OARD1: variants seen among roughly 807,000 people sequenced by gnomAD.
OARD1 encodes the protein ADP-ribose glycohydrolase OARD1.
In OARD1, 19 loss-of-function variants were observed where a neutral mutation model predicts 19.7. That is an observed-to-expected ratio of 0.96 (90% CI 0.67 to 1.41). The LOEUF is 1.41. Ranked by LOEUF, OARD1 falls within the 40% of genes most tolerant of loss-of-function variation. The pLI is 0.00. For missense variants in OARD1, 190 were observed against 183.8 expected, an observed-to-expected ratio of 1.03 and a Z score of -0.20; for synonymous variants, 70 against 61.8, an observed-to-expected ratio of 1.13 and a Z score of -0.62.
upstream of OARD1, chr6:41,072,742 A>C (rs1763538700): frequency 6.5e-6 from 1 of 152,812 alleles, no homozygotes; most frequent in Non-Finnish European, 1.5e-5. Flanking sequence ...AGCTCAAGGC[A>C]GCGTTTTGAG....
Position 41,070,062 on chromosome 6 carries a change from T to C in OARD1, c.243+14A>G. On this transcript the variant is annotated intron_variant, in intron 4 of 5. Coordinates refer to ENST00000424266, the MANE Select transcript of OARD1 (RefSeq NM_001329686.2). ...AACTGGCCCTGAAAAAAAAAGGAAT[T>C]GGCCCCATCTTACCAAGTAATATAT... is the stretch of plus-strand genomic sequence containing the variant. The C allele has an allele frequency of 6.6e-7, 1 of 1,519,864 alleles. No individual in the cohort carries two copies. Among genetic ancestry groups the C allele is most frequent in the African/African-American group, 1.4e-5 (1 of 73,290 alleles). 94.1% of individuals were successfully genotyped at this position (1,519,864 alleles called of 1,614,324 possible).
intron 1 of OARD1, chr6:41,089,696 G>T (rs1381841061): frequency 1.2e-6 from 2 of 1,612,420 alleles, no homozygotes; most frequent in Non-Finnish European, 1.7e-6. Flanking sequence ...GGCTGTCACT[G>T]CTGGCCAGAC....
chr6:41,089,491 C>T, intron 1 of OARD1: 1 of 1,371,202 alleles, frequency 7.3e-7, no homozygotes, highest in Non-Finnish European at 9.6e-7. Flanking sequence ...ACATTTTCTG[C>T]TTTCTAGAGA....
intron 1 of OARD1, chr6:41,090,131 T>C (rs1311756000): frequency 2.9e-6 from 3 of 1,038,502 alleles, no homozygotes; most frequent in Non-Finnish European, 2.9e-6. Flanking sequence ...TAATTTTTTT[T>C]TTTAAGGACT....
chr6:41,075,076 T>A (rs1263074182), upstream of OARD1, among the ~76,000 whole-genome samples: 2 of 152,242 alleles, frequency 1.3e-5, no homozygotes, highest in Non-Finnish European at 2.9e-5. Context: ...AGTTTTTCAT[T>A]GTTGCTTAAG....
chr6:41,091,832 A>T (rs1479920573), intron 1 of OARD1: 9 of 933,122 alleles, frequency 9.6e-6, no homozygotes, highest in Non-Finnish European at 1.4e-5. Flanking sequence ...CTTTGACAAT[A>T]ACATTATGAC....
At position 41,065,538 on chromosome 6, in the gene OARD1, T is replaced by C. The variant is rs971586430; in HGVS notation, c.*1797A>G. 6 of 152,218 alleles carry C rather than the reference T, an allele frequency of 3.9e-5. No individual in the cohort carries two copies. The highest frequency in any genetic ancestry group is 1.4e-4 in the African/African-American group (6 of 41,446). 9.4% of individuals were successfully genotyped at this position (152,218 alleles called of 1,614,324 possible). A position where few individuals can be genotyped will look rare whatever the true frequency, so the allele number is the denominator to read the frequency against. ...GTATTTAGATAATCTCTCCTTCCTT[T>C]TTCCCTTCAACTTTATGTGGACAAA... On this transcript the variant is annotated 3_prime_UTR_variant, in exon 6 of 6. Transcript: ENST00000424266.
At chr6:41,096,223 A>T (rs1185975229) in intron 1 of OARD1, among the ~76,000 whole-genome samples, 1 of 152,126 alleles carries the variant, frequency 6.6e-6, no homozygotes, top group Admixed American at 6.5e-5. Context: ...TCAACAATCA[A>T]ACTAGGTTTC....
chr6:41,070,774 C>G, intron 3 of OARD1: 1 of 466,144 alleles, frequency 2.1e-6, no homozygotes, highest in South Asian at 2.7e-5. Context: ...TGGGAGGGGT[C>G]TGTAAGGAAG....
chr6:41,074,408 G>A (rs903009275), upstream of OARD1, among the ~76,000 whole-genome samples: 7 of 152,218 alleles, frequency 4.6e-5, no homozygotes, highest in Middle Eastern at 3.2e-3. Context: ...AGGTGAACAG[G>A]TAGTTAATAC....
At chr6:41,067,494 C>T (rs1763078300) in intron 5 of OARD1, 57 bp from the exon 6 acceptor site, 1 of 1,202,682 alleles carries the variant, frequency 8.3e-7, no homozygotes. Flanking sequence ...GAAACTGCTC[C>T]TCTCTTTTAA....
intron 1 of OARD1, 49 bp from the exon 2 acceptor site, chr6:41,071,724 T>C: frequency 9.3e-7 from 1 of 1,074,484 alleles, no homozygotes; most frequent in Non-Finnish European, 1.4e-6. Context: ...CCTTAGTATA[T>C]AATATTCTGA....
intron 1 of OARD1, chr6:41,089,482 C>G: frequency 7.5e-7 from 1 of 1,341,756 alleles, no homozygotes. Context: ...CTCTTCAGAA[C>G]ATTTTCTGCT....
rs1304555841 is a variant in OARD1 at position 41,079,778 on chromosome 6, GA to G, written c.-41-8104del. Among the ~76,000 whole-genome samples, 3 of 151,992 alleles carry G rather than the reference GA, an allele frequency of 2.0e-5. No individual in the cohort carries two copies. The East Asian group carries it at 5.8e-4, about 29-fold the overall frequency. On this transcript the variant is annotated intron_variant, in intron 1 of 4. Transcript: ENST00000480585. ...TTTCACTTTTTTCCCCACCCCAGAA[GA>G]AAAAAATGTATTATGTTTCTATTTG...
At chr6:41,094,397 A>C in intron 1 of OARD1, 4 of 1,613,990 alleles carry the variant, frequency 2.5e-6, no homozygotes, top group Non-Finnish European at 3.4e-6. Flanking sequence ...TCGTTTTAGA[A>C]ATACCTGCAT....
At chr6:41,089,768 T>A (rs1764151938) in intron 1 of OARD1, 1 of 1,581,082 alleles carries the variant, frequency 6.3e-7, no homozygotes, top group Non-Finnish European at 8.6e-7. Flanking sequence ...GTCAGATAAC[T>A]GAGTCAGATA....
chr6:41,078,427 T>C (rs1763800516), intron 1 of OARD1, among the ~76,000 whole-genome samples: 1 of 152,212 alleles, frequency 6.6e-6, no homozygotes, highest in Non-Finnish European at 1.5e-5. Flanking sequence ...TACATTTTTG[T>C]TTATATATCT....
At chr6:41,071,380 C>A (rs762285915) in intron 2 of OARD1, 104 bp from the exon 3 acceptor site, 101 of 1,189,714 alleles carry the variant, frequency 8.5e-5, no homozygotes, top group Non-Finnish European at 1.1e-4. Context: ...TCCCGGCACC[C>A]CTTCCTCCAA....
At chr6:41,089,779 T>C in intron 1 of OARD1, 4 of 1,569,384 alleles carry the variant, frequency 2.5e-6, no homozygotes, top group East Asian at 2.3e-5. Flanking sequence ...GAGTCAGATA[T>C]TTCATGTATA....
Sources: gnomAD v4.1 joint callset for allele counts (sites outside exome capture counted in the v4.1 genomes callset) on GRCh38, gnomAD v4.1.1 for gene constraint, MANE v1.5 for transcripts, NCBI Gene and HGNC (gene_info 2026-07-23, HGNC 2026-07-21) for gene names.